The following KSR2 variants were observed in gnomAD, a reference collection of about 807,000 sequenced individuals.
The protein encoded by KSR2 is kinase suppressor of ras 2.
KSR2 carries 25 observed loss-of-function variants against 107.8 expected under a neutral mutation model. The ratio of observed to expected loss-of-function variants is 0.23; its 90% CI spans 0.17 to 0.32. The LOEUF (loss-of-function observed/expected upper bound fraction) is 0.32, where lower values mean the gene tolerates loss of function less well. Ranked by LOEUF, KSR2 falls within the 10% of genes least tolerant of loss-of-function variation. KSR2 has a pLI of 1.00. For missense variants in KSR2, 887 were observed against 1,268.9 expected (o/e 0.70, Z 4.57); for synonymous variants, 480 against 507.0 (o/e 0.95, Z 0.71).
At chr12:117,822,708 G>T (rs1392397523) in intron 3 of KSR2, among the ~76,000 whole-genome samples, 3 of 152,190 alleles carry the variant, frequency 2.0e-5, no homozygotes, top group Non-Finnish European at 4.4e-5. Flanking sequence ...ATACAATGGG[G>T]TTTGTGTTAA....
chr12:117,851,233 G>C (rs1395489983), intron 3 of KSR2, among the ~76,000 whole-genome samples: 2 of 152,186 alleles, frequency 1.3e-5, no homozygotes, highest in East Asian at 3.8e-4. Flanking sequence ...AGAGTCCAGA[G>C]GGAGGCCTAT....
At chr12:117,857,319 A>G (rs1272259766) in intron 2 of KSR2, among the ~76,000 whole-genome samples, 1 of 152,136 alleles carries the variant, frequency 6.6e-6, no homozygotes, top group Non-Finnish European at 1.5e-5. Context: ...CTCGGTTTCC[A>G]AAAGTGCTGA....
intron 1 of KSR2, among the ~76,000 whole-genome samples, chr12:117,935,621 C>T (rs1046319093): frequency 2.0e-5 from 3 of 152,052 alleles, no homozygotes; most frequent in Non-Finnish European, 2.9e-5. Flanking sequence ...GTTAGCCGGT[C>T]GTAGTAGTGG....
At chr12:117,846,619 T>G (rs769163785) in intron 3 of KSR2, among the ~76,000 whole-genome samples, 3 of 152,180 alleles carry the variant, frequency 2.0e-5, no homozygotes, top group Non-Finnish European at 2.9e-5. Context: ...TTTTTCTTAT[T>G]CATTGTTTCT....
intron 1 of KSR2, among the ~76,000 whole-genome samples, chr12:117,898,261 T>C (rs1894573954): frequency 6.6e-6 from 1 of 152,164 alleles, no homozygotes; most frequent in Non-Finnish European, 1.5e-5. Flanking sequence ...AAGAGATCAG[T>C]GAAGCATTTT....
At chr12:117,508,734 T>A (rs1004694883) in intron 14 of KSR2, among the ~76,000 whole-genome samples, 3 of 151,488 alleles carry the variant, frequency 2.0e-5, no homozygotes, top group Admixed American at 6.6e-5. Flanking sequence ...GGTGGGTGCA[T>A]GGGTAGATAA....
intron 14 of KSR2, among the ~76,000 whole-genome samples, chr12:117,514,679 G>A (rs183254448): frequency 2.2e-4 from 34 of 151,586 alleles, no homozygotes; most frequent in Admixed American, 2.0e-3. Flanking sequence ...CTCCCAACTC[G>A]CTGGGACTAC....
chr12:117,515,584 T>G (rs528595955), intron 14 of KSR2, among the ~76,000 whole-genome samples: 3 of 152,124 alleles, frequency 2.0e-5, no homozygotes, highest in Admixed American at 6.6e-5. Context: ...TGAGCAAACA[T>G]AGAAGAACAA....
intron 4 of KSR2, among the ~76,000 whole-genome samples, chr12:117,668,440 C>A (rs1325978792): frequency 1.3e-5 from 2 of 152,204 alleles, no homozygotes; most frequent in East Asian, 1.9e-4. Flanking sequence ...GCCTCACAGG[C>A]AGCTGCCAGA....
intron 5 of KSR2, among the ~76,000 whole-genome samples, chr12:117,597,499 G>A (rs1174891538): frequency 6.6e-6 from 1 of 152,118 alleles, no homozygotes; most frequent in Admixed American, 6.5e-5. Context: ...GAAAATGTGA[G>A]GCAAAACCAT....
At chr12:117,798,998 GTGTAGAAGTCCCCTTA>G (rs1890735709) in intron 3 of KSR2, among the ~76,000 whole-genome samples, 1 of 152,190 alleles carries the variant, frequency 6.6e-6, no homozygotes, top group Non-Finnish European at 1.5e-5. Flanking sequence ...AGGCCACGCA[GTGTAGAAGTCCCCTTA>G]TCTGAAATAT....
chr12:117,824,791 C>T (rs929332877), intron 3 of KSR2, among the ~76,000 whole-genome samples: 3 of 147,686 alleles, frequency 2.0e-5, no homozygotes, highest in East Asian at 2.0e-4. Context: ...CGGGAGGCGG[C>T]GCTTGCAGTG....
chr12:117,791,707 G>A (rs1322301578), intron 3 of KSR2, among the ~76,000 whole-genome samples: 1 of 152,120 alleles, frequency 6.6e-6, no homozygotes, highest in Non-Finnish European at 1.5e-5. Context: ...AAGGACATTT[G>A]AATGGGACAT....
chr12:117,776,790 C>T (rs1475767203), intron 3 of KSR2, among the ~76,000 whole-genome samples: 1 of 151,912 alleles, frequency 6.6e-6, no homozygotes, highest in Non-Finnish European at 1.5e-5. Flanking sequence ...GGAGGCTTCC[C>T]CACCCACCTC....
intron 15 of KSR2, 66 bp from the exon 16 acceptor site, chr12:117,484,615 G>A: frequency 2.0e-6 from 3 of 1,538,196 alleles, no homozygotes; most frequent in East Asian, 2.3e-5. Flanking sequence ...ACCCTGGCTT[G>A]AGTTCACATT....
chr12:117,899,961 A>G (rs1894632694), intron 1 of KSR2, among the ~76,000 whole-genome samples: 1 of 152,238 alleles, frequency 6.6e-6, no homozygotes. Context: ...CTGCAAGGAC[A>G]TGAAATCTGC....
chr12:117,732,041 TAA>T (rs35351348), intron 4 of KSR2, among the ~76,000 whole-genome samples: 2 of 147,450 alleles, frequency 1.4e-5, no homozygotes. Context: ...CAAATACTAT[TAA>T]AAAAAAAAGG....
intron 3 of KSR2, among the ~76,000 whole-genome samples, chr12:117,818,377 G>A (rs993519321): frequency 6.6e-6 from 1 of 152,108 alleles, no homozygotes; most frequent in Non-Finnish European, 1.5e-5. Flanking sequence ...CACGTTGTGT[G>A]CCCTAGGGCA....
rs1875035636 is a variant in KSR2, at chr12:117,525,134, G to A, written c.1937C>T (p.Pro646Leu). The A allele has an allele frequency of 6.2e-6, 10 of 1,613,978 alleles. No individual in the cohort carries two copies. The highest frequency in any genetic ancestry group is 6.8e-6 in the Non-Finnish European group (8 of 1,179,868). ...NLSLLSARSF[P>L]RKASQTSIFL... ...GATGCTGGTCTGGCTGGCCTTGCGTGGGAAGCTCCGGGCCGAGAGGAGGGA... is the reference window on the plus strand; with the variant it reads ...GATGCTGGTCTGGCTGGCCTTGCGTAGGAAGCTCCGGGCCGAGAGGAGGGA... Residue 646 changes from proline to leucine, a missense_variant, in exon 14 of 20, where the codon CCA (proline) becomes CTA (leucine). Transcript: ENST00000339824.
Sources: gnomAD v4.1 joint callset for allele counts (sites outside exome capture counted in the v4.1 genomes callset) on GRCh38, gnomAD v4.1.1 for gene constraint, MANE v1.5 for transcripts, NCBI Gene and HGNC (gene_info 2026-07-23, HGNC 2026-07-21) for gene names.